A2ML1: variants seen among roughly 807,000 people sequenced by gnomAD.
The protein encoded by A2ML1 is alpha-2-macroglobulin like 1, also known as alpha-2-macroglobulin-like protein 1.
A neutral mutation model predicts 181.9 loss-of-function variants in A2ML1; 161 were observed. The observed-to-expected ratio is 0.89, with a 90% CI of 0.78 to 1.01. A2ML1 has a LOEUF of 1.01. A2ML1 is among the 50% of genes least tolerant of loss of function. The pLI is 0.00. For missense variants in A2ML1, 1,670 were observed against 1,768.1 expected (o/e 0.94, Z 1.00); for synonymous variants, 663 against 666.8 (o/e 0.99, Z 0.09).
At chr12:8,845,849 C>CA (rs1231550807) in intron 13 of A2ML1, among the ~76,000 whole-genome samples, 688 of 55,384 alleles carry the variant, frequency 0.012, 9 homozygotes, top group African/African-American at 0.037. Context: ...GACTCCGTCT[C>CA]AAAAAAAAAA....
intron 14 of A2ML1, among the ~76,000 whole-genome samples, chr12:8,847,290 A>G (rs1943725065): frequency 6.8e-6 from 1 of 147,178 alleles, no homozygotes; most frequent in Non-Finnish European, 1.5e-5. Flanking sequence ...CACATGTTCT[A>G]TATAGTTATT....
At chr12:8,834,713 A>C (rs1943217383) in intron 5 of A2ML1, 31 bp downstream of exon 5, 3 of 1,612,720 alleles carry the variant, frequency 1.9e-6, no homozygotes, top group Non-Finnish European at 2.5e-6. Flanking sequence ...CTTCTCTGTC[A>C]GTTGTGGAAG....
intron 4 of A2ML1, among the ~76,000 whole-genome samples, chr12:8,831,299 G>A (rs1943104777): frequency 1.3e-5 from 2 of 152,160 alleles, no homozygotes; most frequent in South Asian, 2.1e-4. Context: ...CTGCAACAAG[G>A]AAGTGCTGGG....
At chr12:8,830,556 AT>A (rs1335144372) in intron 4 of A2ML1, 1 of 152,126 alleles carries the variant, frequency 6.6e-6, no homozygotes, top group Non-Finnish European at 1.5e-5. Context: ...TTTTGCGAAT[AT>A]TTGATTTTTC....
intron 11 of A2ML1, among the ~76,000 whole-genome samples, chr12:8,842,659 A>G (rs1482025397): frequency 6.6e-6 from 1 of 152,114 alleles, no homozygotes; most frequent in African/African-American, 2.4e-5. Context: ...CATTAATGAG[A>G]TCGTTCAACC....
Position 8,864,017 on chromosome 12 carries a change from C to T in A2ML1, c.3717+9C>T, listed in dbSNP as rs1254692916. The T allele has an allele frequency of 1.2e-6, 2 of 1,607,932 alleles. No individual in the cohort carries two copies. The highest frequency in any genetic ancestry group is 1.7e-6 in the Non-Finnish European group (2 of 1,176,654). ...GCTTCTCTTCTACTCAGGTAAACAG[C>T]CTGTTCTCCCACTGCCACTTATCAG... On this transcript the variant is annotated intron_variant, in intron 29 of 35. Coordinates refer to ENST00000299698, the MANE Select transcript of A2ML1 (RefSeq NM_144670.6).
chr12:8,836,246 T>C lies in A2ML1; in HGVS notation c.644-9T>C. The C allele has an allele frequency of 6.2e-7, 1 of 1,613,280 alleles. No individual in the cohort carries two copies. Among genetic ancestry groups the C allele is most frequent in the Non-Finnish European group, 8.5e-7 (1 of 1,179,306 alleles). On this transcript the variant is annotated splice_polypyrimidine_tract_variant and intron_variant, in intron 6 of 35. Transcript: ENST00000299698. ...GTGCTTTCTCCATTTCTCCTTTTAC[T>C]CTCTTCAGTGCTGCCGAAGTTTAAG...
intron 10 of A2ML1, among the ~76,000 whole-genome samples, chr12:8,840,078 G>A (rs555752509): frequency 7.2e-5 from 11 of 152,012 alleles, no homozygotes; most frequent in African/African-American, 2.2e-4. Context: ...TAAAATTTCC[G>A]GCAGGGCGTG....
At chr12:8,839,050 A>G (rs1943380248) in intron 9 of A2ML1, 63 bp from the exon 10 acceptor site, 1 of 1,156,330 alleles carries the variant, frequency 8.6e-7, no homozygotes, top group African/African-American at 1.5e-5. Flanking sequence ...GAGACTTGAC[A>G]TTAAACGTGA....
intron 3 of A2ML1, among the ~76,000 whole-genome samples, 173 bp downstream of exon 3, chr12:8,824,055 G>A (rs1250280474): frequency 2.0e-5 from 3 of 152,020 alleles, no homozygotes; most frequent in African/African-American, 7.2e-5. Context: ...CGCTACACAA[G>A]CAAGAGAAGT....
intron 15 of A2ML1, 88 bp downstream of exon 15, chr12:8,847,786 C>T: frequency 1.3e-6 from 2 of 1,496,758 alleles, no homozygotes; most frequent in East Asian, 2.3e-5. Flanking sequence ...GAGAGAAAGT[C>T]TTAGGGAAAT....
intron 25 of A2ML1, 58 bp from the exon 26 acceptor site, chr12:8,857,888 A>T: frequency 5.0e-6 from 8 of 1,589,576 alleles, no homozygotes; most frequent in Non-Finnish European, 6.0e-6. Context: ...TGAAGAAATG[A>T]TTGCACCCTC....
intron 33 of A2ML1, among the ~76,000 whole-genome samples, chr12:8,870,450 C>G (rs56351182): frequency 0.057 from 8,594 of 152,030 alleles, 336 homozygotes; most frequent in Non-Finnish European, 0.088. Context: ...TGTATTTTTA[C>G]TAGAGACAGG....
At chr12:8,848,936 G>A in intron 16 of A2ML1, 22 bp downstream of exon 16, 1 of 1,596,006 alleles carries the variant, frequency 6.3e-7, no homozygotes. Flanking sequence ...TACCCATTTT[G>A]TTCTTATGGG....
intron 4 of A2ML1, among the ~76,000 whole-genome samples, chr12:8,833,627 C>T (rs933375481): frequency 2.6e-5 from 4 of 152,048 alleles, no homozygotes; most frequent in African/African-American, 7.2e-5. Context: ...AACTCCTAAC[C>T]TCAGGTGATC....
In A2ML1 at chr12:8,835,629, G is replaced by T. The variant is rs772820954; in HGVS notation, c.606G>T (p.Glu202Asp). The T allele has an allele frequency of 1.9e-6, 3 of 1,614,092 alleles. No homozygotes were observed. The highest frequency in any genetic ancestry group is 2.7e-5 in the African/African-American group (2 of 74,940). ...MLGTYTVAVA[E>D]GKTFGTFSVE... ...GCACCTACACTGTGGCAGTGGCTGA[G>T]GGCAAGACCTTTGGTACTTTCAGTG... Residue 202 changes from glutamate (E) to aspartate (D), a missense_variant, in exon 6 of 36, where the codon GAG (glutamate) becomes GAT (aspartate). Coordinates refer to ENST00000299698, the MANE Select transcript of A2ML1 (RefSeq NM_144670.6).
downstream of A2ML1, among the ~76,000 whole-genome samples, chr12:8,877,785 AAAG>A (rs1360329719): frequency 6.6e-6 from 1 of 152,206 alleles, no homozygotes; most frequent in Non-Finnish European, 1.5e-5. Flanking sequence ...GAGTTTTCTC[AAAG>A]AATTAAAAAT....
At position 8,835,654 on chromosome 12, in the gene A2ML1, G is replaced by C; in HGVS notation, c.631G>C (p.Val211Leu). Reference sequence around the variant, plus strand: ...GGGCAAGACCTTTGGTACTTTCAGTGTGGAGGAATATGGTAGGTGGGGAAA... The same window carrying C: ...GGGCAAGACCTTTGGTACTTTCAGTCTGGAGGAATATGGTAGGTGGGGAAA... The part of the protein sequence containing the change: ...AEGKTFGTFS[V>L]EEYVLPKFKV... Residue 211 changes from valine to leucine, a missense_variant, in exon 6 of 36, where the codon GTG (valine) becomes CTG (leucine). Coordinates refer to ENST00000299698, the MANE Select transcript of A2ML1 (RefSeq NM_144670.6). 6.2e-7 allele frequency: 1 copy of C among 1,614,168 alleles called. No homozygotes were observed. Among genetic ancestry groups the C allele is most frequent in the Non-Finnish European group, 8.5e-7 (1 of 1,180,016 alleles).
chr12:8,837,199 T>C (rs1337617708), intron 7 of A2ML1, among the ~76,000 whole-genome samples: 7 of 152,110 alleles, frequency 4.6e-5, no homozygotes, highest in Admixed American at 1.3e-4. Context: ...TTTGTATTTT[T>C]AGTAGAGACA....
Sources: gnomAD v4.1 joint callset for allele counts (sites outside exome capture counted in the v4.1 genomes callset) on GRCh38, gnomAD v4.1.1 for gene constraint, MANE v1.5 for transcripts, NCBI Gene and HGNC (gene_info 2026-07-23, HGNC 2026-07-21) for gene names.